Variants in RGS7 observed in about 807,000 individuals in gnomAD.
RGS7 encodes regulator of G-protein signaling 7.
Under a neutral mutation model 81.1 loss-of-function variants are expected in RGS7, and 27 were observed. The observed-to-expected ratio is 0.33, with a 90% CI of 0.25 to 0.46. RGS7 has a LOEUF of 0.46. Ranked by LOEUF, RGS7 falls within the 20% of genes least tolerant of loss-of-function variation. The pLI is 1.00. For missense variants in RGS7, 396 were observed against 607.4 expected (o/e 0.65, Z 3.66); for synonymous variants, 208 against 207.7 (o/e 1.00, Z -0.01).
intron 2 of RGS7, among the ~76,000 whole-genome samples, chr1:241,257,788 G>A (rs1224261616): frequency 6.6e-6 from 1 of 152,160 alleles, no homozygotes; most frequent in African/African-American, 2.4e-5. Flanking sequence ...GAGGCACAGA[G>A]AACTGAAATG....
intron 2 of RGS7, among the ~76,000 whole-genome samples, chr1:241,350,573 T>G (rs564786366): frequency 6.6e-6 from 1 of 152,070 alleles, no homozygotes; most frequent in Non-Finnish European, 1.5e-5. Flanking sequence ...TCTGCTAACA[T>G]GTAGTAAACC....
Position 240,857,352 on chromosome 1 carries a change from C to T in RGS7, c.609+11235G>A, listed in dbSNP as rs1258163024. 5.3e-5 allele frequency among the ~76,000 whole-genome samples: 8 copies of T among 152,098 alleles called. 1 individual carries two copies. The highest frequency in any genetic ancestry group is 1.2e-4 in the Non-Finnish European group (8 of 68,004). On this transcript the variant is annotated intron_variant, in intron 9 of 18. Transcript: ENST00000440928. ...ATTAACATCTTATATTGATGTGGTA[C>T]ATTGTTTCAGTTGTTGAGCCAATAT... is the stretch of plus-strand genomic sequence containing the variant.
intron 2 of RGS7, among the ~76,000 whole-genome samples, chr1:241,157,880 G>A (rs1361556936): frequency 2.1e-5 from 2 of 93,252 alleles, no homozygotes; most frequent in Non-Finnish European, 4.3e-5. Context: ...GTGCAGTGGT[G>A]CGATCTGGGC....
intron 3 of RGS7, among the ~76,000 whole-genome samples, chr1:241,098,297 C>T (rs139700710): frequency 0.013 from 1,935 of 152,314 alleles, 34 homozygotes; most frequent in African/African-American, 0.044. Flanking sequence ...CACTGCTCTG[C>T]AGAAACCCTT....
chr1:241,243,711 A>G (rs1237461759), intron 2 of RGS7, among the ~76,000 whole-genome samples: 1 of 152,196 alleles, frequency 6.6e-6, no homozygotes, highest in African/African-American at 2.4e-5. Context: ...TTTTGGCCAC[A>G]TTATGTTTCA....
At chr1:241,135,422 G>C (rs1047817251) in intron 2 of RGS7, among the ~76,000 whole-genome samples, 1 of 152,074 alleles carries the variant, frequency 6.6e-6, no homozygotes, top group Admixed American at 6.6e-5. Context: ...GCGAGACTCC[G>C]TCTGAACAAC....
At chr1:240,822,959 A>T in intron 10 of RGS7, 2 of 492,542 alleles carry the variant, frequency 4.1e-6, no homozygotes, top group South Asian at 2.1e-5. Context: ...TAAATAATAC[A>T]TTTTTTTTCA....
intron 3 of RGS7, among the ~76,000 whole-genome samples, chr1:241,063,625 A>G (rs1214618076): frequency 2.0e-5 from 3 of 152,042 alleles, no homozygotes; most frequent in Non-Finnish European, 4.4e-5. Context: ...TTTGATCTGG[A>G]CTCAGGTATT....
intron 10 of RGS7, 150 bp from the exon 11 acceptor site, chr1:240,816,565 A>T: frequency 1.6e-6 from 1 of 617,914 alleles, no homozygotes; most frequent in South Asian, 2.0e-5. Context: ...CACTGCTAAG[A>T]TAAAAATCAA....
intron 6 of RGS7, among the ~76,000 whole-genome samples, chr1:240,889,827 A>T (rs1321995785): frequency 1.3e-5 from 2 of 152,078 alleles, no homozygotes; most frequent in Non-Finnish European, 2.9e-5. Flanking sequence ...GATGACGGTG[A>T]TCTGAAAAGA....
intron 2 of RGS7, among the ~76,000 whole-genome samples, chr1:241,159,655 A>ATTCT (rs2069469204): frequency 6.6e-6 from 1 of 152,144 alleles, no homozygotes; most frequent in African/African-American, 2.4e-5. Flanking sequence ...ATGGGACCGA[A>ATTCT]GAAGAAGAAA....
chr1:241,174,282 A>G (rs1029239346), intron 2 of RGS7, among the ~76,000 whole-genome samples: 2 of 152,206 alleles, frequency 1.3e-5, no homozygotes, highest in African/African-American at 4.8e-5. Flanking sequence ...GAAGCACCCC[A>G]CCACCTTGAT....
chr1:241,129,912 T>C (rs1233802824), intron 2 of RGS7, among the ~76,000 whole-genome samples: 1 of 152,188 alleles, frequency 6.6e-6, no homozygotes, highest in African/African-American at 2.4e-5. Flanking sequence ...TCTAATATTA[T>C]TTTAAAATTG....
rs1003111337 is a variant in RGS7 at position 240,820,666 on chromosome 1, G to A, written c.685-4251C>T. 9.1e-4 allele frequency among the ~76,000 whole-genome samples: 138 copies of A among 152,140 alleles called. 1 individual carries two copies. Among genetic ancestry groups the A allele is most frequent in the Non-Finnish European group, 3.1e-4 (21 of 68,022 alleles). Reference sequence around the variant, plus strand: ...GAGGGAGCTCGTTTGCCGATTCCACGATGTGAGGACACAGCGAGAAGGCAC... The same window carrying A: ...GAGGGAGCTCGTTTGCCGATTCCACAATGTGAGGACACAGCGAGAAGGCAC... On this transcript the variant is annotated intron_variant, in intron 10 of 18. Coordinates refer to ENST00000440928, the MANE Select transcript of RGS7 (RefSeq NM_001364886.1).
At chr1:241,120,812 A>C (rs890620610) in intron 2 of RGS7, among the ~76,000 whole-genome samples, 1 of 152,146 alleles carries the variant, frequency 6.6e-6, no homozygotes, top group African/African-American at 2.4e-5. Flanking sequence ...CTGATAGCAC[A>C]GCAGCAGGCT....
intron 16 of RGS7, among the ~76,000 whole-genome samples, 179 bp downstream of exon 16, chr1:240,802,725 G>A (rs866163579): frequency 6.6e-6 from 1 of 152,064 alleles, no homozygotes; most frequent in Non-Finnish European, 1.5e-5. Flanking sequence ...AATACAATAA[G>A]CAATAAACAA....
intron 2 of RGS7, among the ~76,000 whole-genome samples, chr1:241,159,207 G>T (rs2069428296): frequency 6.6e-6 from 1 of 151,926 alleles, no homozygotes; most frequent in South Asian, 2.1e-4. Context: ...GCTTATTCTG[G>T]CTTACAAGCC....
chr1:240,779,226 G>T (rs1472618243), intron 18 of RGS7, among the ~76,000 whole-genome samples: 3 of 151,870 alleles, frequency 2.0e-5, no homozygotes, highest in Non-Finnish European at 4.4e-5. Context: ...TACCTTTGGA[G>T]GGCCTCAAAT....
chr1:241,208,957 T>C (rs1310915277), intron 2 of RGS7, among the ~76,000 whole-genome samples: 1 of 152,184 alleles, frequency 6.6e-6, no homozygotes, highest in Non-Finnish European at 1.5e-5. Context: ...CTATCAGCGC[T>C]CAGGCAGAAC....
Sources: gnomAD v4.1 joint callset for allele counts (sites outside exome capture counted in the v4.1 genomes callset) on GRCh38, gnomAD v4.1.1 for gene constraint, MANE v1.5 for transcripts, NCBI Gene and HGNC (gene_info 2026-07-23, HGNC 2026-07-21) for gene names.